Variants in NAV2 observed in about 807,000 individuals in gnomAD.
NAV2 encodes the protein neuron navigator 2.
A neutral mutation model predicts 223.2 loss-of-function variants in NAV2; 54 were observed. The ratio of observed to expected loss-of-function variants is 0.24; its 90% confidence interval spans 0.19 to 0.30. NAV2 has a LOEUF of 0.30. NAV2 is among the 10% of genes least tolerant of loss of function. NAV2 has a pLI of 1.00. For synonymous variants in NAV2, 1,279 were observed against 1,239.3 expected (o/e 1.03, Z -0.67); for missense variants, 2,806 against 3,147.5 (o/e 0.89, Z 2.60).
At chr11:20,016,334 C>G (rs1270301136) in intron 11 of NAV2, among the ~76,000 whole-genome samples, 1 of 152,176 alleles carries the variant, frequency 6.6e-6, no homozygotes, top group African/African-American at 2.4e-5. Context: ...GTTTTGTTAA[C>G]AATCAGCTGG....
chr11:19,852,073 C>T (rs2061175751), intron 3 of NAV2, among the ~76,000 whole-genome samples: 1 of 152,166 alleles, frequency 6.6e-6, no homozygotes, highest in African/African-American at 2.4e-5. Context: ...CTAGAGCTTC[C>T]AGAATGGATG....
intron 1 of NAV2, among the ~76,000 whole-genome samples, chr11:19,374,817 T>C (rs1351674392): frequency 1.3e-5 from 2 of 152,198 alleles, no homozygotes; most frequent in Non-Finnish European, 2.9e-5. Context: ...TTGACTCCCA[T>C]TGTATTACTC....
intron 1 of NAV2, among the ~76,000 whole-genome samples, chr11:19,653,450 C>G (rs995259114): frequency 6.6e-6 from 1 of 152,146 alleles, no homozygotes; most frequent in Non-Finnish European, 1.5e-5. Context: ...TGTGAGCTCA[C>G]GAATATTCCT....
chr11:19,694,247 T>C (rs2049263544), intron 1 of NAV2, among the ~76,000 whole-genome samples: 1 of 152,186 alleles, frequency 6.6e-6, no homozygotes, highest in Admixed American at 6.5e-5. Context: ...TCAGCTGCAC[T>C]GTGTGGGGAG....
At chr11:19,816,415 T>C (rs1484194960) in intron 1 of NAV2, among the ~76,000 whole-genome samples, 1 of 152,266 alleles carries the variant, frequency 6.6e-6, no homozygotes, top group African/African-American at 2.4e-5. Flanking sequence ...TGGCCATTTA[T>C]GAGAATGTCA....
intron 1 of NAV2, among the ~76,000 whole-genome samples, chr11:19,356,788 C>T (rs150676428): frequency 4.6e-5 from 7 of 152,262 alleles, no homozygotes; most frequent in African/African-American, 7.2e-5. Context: ...GGGAATAAAA[C>T]GGCCTTCTTC....
Position 20,077,563 on chromosome 11 carries a change from G to A in NAV2, c.4995G>A (p.Val1665=), listed in dbSNP as rs994132629. 1.2e-6 allele frequency: 2 copies of A among 1,613,744 alleles called. No homozygotes were observed. The highest frequency in any genetic ancestry group is 1.7e-6 in the Non-Finnish European group (2 of 1,179,676). Residue 1665 remains valine (V), a synonymous_variant, in exon 23 of 38, where the codon GTG becomes GTA. Transcript: ENST00000349880. ...TTQLTANAHL[V]AAFEQSLGNM... is the part of the protein sequence containing the mutation. ...GTCTTCCCCTCCAGGCTCACCTTGTGGCAGCCTTTGAACAGAGTCTTGGTA... is the reference window on the plus strand; with the variant it reads ...GTCTTCCCCTCCAGGCTCACCTTGTAGCAGCCTTTGAACAGAGTCTTGGTA...
chr11:19,992,719 C>T (rs1195975029), intron 11 of NAV2, among the ~76,000 whole-genome samples: 1 of 151,230 alleles, frequency 6.6e-6, no homozygotes, highest in Non-Finnish European at 1.5e-5. Context: ...TCCTGAGTAG[C>T]TGGGATTACA....
chr11:19,921,012 A>C (rs919417788), intron 6 of NAV2, among the ~76,000 whole-genome samples: 1 of 152,194 alleles, frequency 6.6e-6, no homozygotes, highest in Non-Finnish European at 1.5e-5. Flanking sequence ...GAGTAAAGCT[A>C]GTGAGAAGTC....
chr11:19,971,316 G>A (rs2049219970), intron 10 of NAV2, among the ~76,000 whole-genome samples: 2 of 152,052 alleles, frequency 1.3e-5, no homozygotes, highest in Admixed American at 1.3e-4. Context: ...TGTGGCCTGT[G>A]GTTTGCATAG....
intron 1 of NAV2, among the ~76,000 whole-genome samples, chr11:19,358,527 T>G (rs1461847961): frequency 6.6e-6 from 1 of 152,204 alleles, no homozygotes; most frequent in Non-Finnish European, 1.5e-5. Context: ...TGTATCCATT[T>G]CCAGCACCTA....
intron 5 of NAV2, chr11:19,884,163 A>G: frequency 1.6e-6 from 1 of 628,738 alleles, no homozygotes; most frequent in Non-Finnish European, 2.8e-6. Flanking sequence ...TGTGTGTCAT[A>G]GAAAACAGTG....
intron 20 of NAV2, among the ~76,000 whole-genome samples, chr11:20,066,145 G>GT (rs1320969440): frequency 6.6e-6 from 1 of 152,226 alleles, no homozygotes; most frequent in Non-Finnish European, 1.5e-5. Context: ...CTGGCACATG[G>GT]TAAGCATTCA....
At chr11:19,991,657 A>G (rs2051348463) in intron 11 of NAV2, among the ~76,000 whole-genome samples, 1 of 152,244 alleles carries the variant, frequency 6.6e-6, no homozygotes, top group Admixed American at 6.5e-5. Context: ...GTGCAAAAAA[A>G]GGTAAAAATA....
chr11:19,821,000 C>T (rs764056148), intron 1 of NAV2, among the ~76,000 whole-genome samples: 29 of 152,318 alleles, frequency 1.9e-4, no homozygotes, highest in African/African-American at 5.5e-4. Flanking sequence ...CAGTGGCTCA[C>T]GCCTGTAATC....
At chr11:19,376,627 C>T (rs72902182) in intron 1 of NAV2, among the ~76,000 whole-genome samples, 9,050 of 152,272 alleles carry the variant, frequency 0.059, 403 homozygotes, top group South Asian at 0.15. Context: ...GCTATCCATC[C>T]AAAACGTTTA....
At chr11:19,628,197 C>T (rs2047228637) in intron 1 of NAV2, among the ~76,000 whole-genome samples, 1 of 152,198 alleles carries the variant, frequency 6.6e-6, no homozygotes, top group Admixed American at 6.5e-5. Flanking sequence ...CCTGAGGCAG[C>T]AGAGGAGTTG....
chr11:19,532,749 G>A (rs1012468003), intron 1 of NAV2, among the ~76,000 whole-genome samples: 3 of 152,218 alleles, frequency 2.0e-5, no homozygotes, highest in Non-Finnish European at 2.9e-5. Context: ...TTAGTAGCAT[G>A]TGGCTGGAGC....
At chr11:19,465,703 A>G (rs113005026) in intron 1 of NAV2, among the ~76,000 whole-genome samples, 82 of 152,352 alleles carry the variant, frequency 5.4e-4, no homozygotes, top group African/African-American at 1.7e-3. Flanking sequence ...TATGGGCCAC[A>G]GTTTATTCTT....
Sources: allele counts gnomAD v4.1 joint callset (sites outside exome capture counted in the v4.1 genomes callset), GRCh38; gene constraint gnomAD v4.1.1; transcripts MANE v1.5; gene names NCBI Gene and HGNC (gene_info 2026-07-23, HGNC 2026-07-21).